The following ZNF385B variants were observed in gnomAD, a reference collection of about 807,000 sequenced individuals.
ZNF385B encodes zinc finger protein 533.
ZNF385B carries 23 observed loss-of-function variants against 39.2 expected under a neutral mutation model. The ratio of observed to expected loss-of-function variants is 0.59; its 90% CI spans 0.42 to 0.83. The LOEUF is 0.83. Ranked by LOEUF, ZNF385B falls within the 40% of genes least tolerant of loss-of-function variation. The pLI is 0.00. For synonymous variants in ZNF385B, 205 were observed against 222.6 expected (o/e 0.92, Z 0.70); for missense variants, 552 against 598.9 (o/e 0.92, Z 0.82).
chr2:179,767,908 A>G (rs1307359849), intron 3 of ZNF385B, among the ~76,000 whole-genome samples: 1 of 148,306 alleles, frequency 6.7e-6, no homozygotes, highest in Admixed American at 6.8e-5. Flanking sequence ...AACACTAAAT[A>G]TATATATAAT....
rs186836611 is a variant in ZNF385B at position 179,564,443 on chromosome 2, C to A, written c.299-19474G>T. On this transcript the variant is annotated intron_variant, in intron 3 of 9. Coordinates refer to ENST00000410066, the MANE Select transcript of ZNF385B (RefSeq NM_152520.6). ...CATCACCTTGAGTTAGTTAATACAG[C>A]CCGCCCTCTCTATAAGACCTTACCC... Among the ~76,000 whole-genome samples, 6 of 152,224 alleles carry A rather than the reference C, an allele frequency of 3.9e-5. No individual in the cohort carries two copies. The East Asian group carries it at 9.7e-4, about 25-fold the overall frequency.
intron 3 of ZNF385B, among the ~76,000 whole-genome samples, chr2:179,639,000 G>C (rs773359372): frequency 6.6e-6 from 1 of 151,932 alleles, no homozygotes; most frequent in Non-Finnish European, 1.5e-5. Context: ...AGCCTGATTG[G>C]TTGAGCTCAG....
At chr2:179,565,697 T>C (rs1409776950) in intron 3 of ZNF385B, among the ~76,000 whole-genome samples, 1 of 152,246 alleles carries the variant, frequency 6.6e-6, no homozygotes, top group Non-Finnish European at 1.5e-5. Flanking sequence ...CATGCTGTCA[T>C]GCCTCCCAGG....
chr2:179,449,676 C>A (rs1406551973), intron 6 of ZNF385B, among the ~76,000 whole-genome samples: 1 of 152,072 alleles, frequency 6.6e-6, no homozygotes, highest in Non-Finnish European at 1.5e-5. Context: ...GCCATACTGC[C>A]CAAGGTAATT....
intron 1 of ZNF385B, among the ~76,000 whole-genome samples, chr2:179,782,511 C>T (rs895000987): frequency 3.9e-5 from 6 of 152,006 alleles, no homozygotes; most frequent in African/African-American, 7.2e-5. Flanking sequence ...ACAAAATAAA[C>T]GGCATCCAAA....
intron 3 of ZNF385B, among the ~76,000 whole-genome samples, chr2:179,750,209 G>A (rs1255395113): frequency 3.3e-5 from 5 of 152,096 alleles, no homozygotes; most frequent in Non-Finnish European, 7.4e-5. Context: ...TTGTGCAGCA[G>A]GAGGTGGTTA....
intron 3 of ZNF385B, among the ~76,000 whole-genome samples, chr2:179,763,317 T>C (rs954557989): frequency 3.3e-5 from 5 of 152,230 alleles, no homozygotes; most frequent in Non-Finnish European, 7.3e-5. Flanking sequence ...ATTTGCTTAT[T>C]ATATTTTTAA....
At chr2:179,576,952 A>G (rs1257150330) in intron 3 of ZNF385B, among the ~76,000 whole-genome samples, 1 of 152,158 alleles carries the variant, frequency 6.6e-6, no homozygotes, top group East Asian at 1.9e-4. Context: ...TATGATAAAA[A>G]CCGGTCCTTT....
intron 3 of ZNF385B, among the ~76,000 whole-genome samples, chr2:179,582,325 G>A (rs1686620943): frequency 6.6e-6 from 1 of 152,126 alleles, no homozygotes; most frequent in South Asian, 2.1e-4. Context: ...AAAGTGTCTA[G>A]CAGTTGGTTA....
intron 1 of ZNF385B, among the ~76,000 whole-genome samples, chr2:179,819,280 T>C (rs6752731): frequency 0.44 from 67,515 of 151,852 alleles, 15,544 homozygotes; most frequent in Admixed American, 0.54. Flanking sequence ...CATTGAGATG[T>C]TGGTTTTCAA....
rs539960067 is a variant in ZNF385B, at chr2:179,775,211, C to T, written c.-154-4539G>A. Among the ~76,000 whole-genome samples the T allele has an allele frequency of 1.3e-3, 202 of 152,184 alleles. 1 individual carries two copies. Among genetic ancestry groups the T allele is most frequent in the Middle Eastern group, 3.4e-3 (1 of 294 alleles). On this transcript the variant is annotated intron_variant, in intron 1 of 9. Coordinates refer to ENST00000410066, the MANE Select transcript of ZNF385B (RefSeq NM_152520.6). ...TTTTGGTATATTTCATAATAGGATT[C>T]AGATATGGAAGGCTATATTTGATCC...
At chr2:179,462,473 C>T (rs139759710) in intron 6 of ZNF385B, among the ~76,000 whole-genome samples, 159 of 152,140 alleles carry the variant, frequency 1.0e-3, no homozygotes, top group African/African-American at 3.6e-3. Context: ...TTGCCTTGTT[C>T]GTCTCCTCCT....
intron 3 of ZNF385B, among the ~76,000 whole-genome samples, chr2:179,639,236 A>C (rs1692042915): frequency 7.0e-6 from 1 of 143,614 alleles, no homozygotes; most frequent in Non-Finnish European, 1.6e-5. Context: ...CAAAAAAAAA[A>C]AAAAAAAAAA....
intron 3 of ZNF385B, among the ~76,000 whole-genome samples, chr2:179,711,180 A>G (rs1317349692): frequency 1.3e-5 from 2 of 152,186 alleles, no homozygotes; most frequent in South Asian, 2.1e-4. Context: ...TGATATATCT[A>G]TCACTGATTT....
chr2:179,516,944 T>G (rs1184181559), intron 5 of ZNF385B, among the ~76,000 whole-genome samples: 1 of 151,900 alleles, frequency 6.6e-6, no homozygotes, highest in Admixed American at 6.6e-5. Flanking sequence ...AGTCAAGGCG[T>G]TTTTTGAATT....
intron 1 of ZNF385B, among the ~76,000 whole-genome samples, chr2:179,840,203 C>T (rs1349236622): frequency 2.0e-5 from 3 of 152,196 alleles, no homozygotes; most frequent in South Asian, 2.1e-4. Context: ...TGTGATCCCC[C>T]GGCACAGCCT....
At chr2:179,719,005 C>T (rs959956841) in intron 3 of ZNF385B, among the ~76,000 whole-genome samples, 4 of 151,530 alleles carry the variant, frequency 2.6e-5, no homozygotes, top group African/African-American at 9.7e-5. Flanking sequence ...TCTACCTGAT[C>T]TTCCTCAGAA....
chr2:179,677,056 A>G (rs914318274), intron 3 of ZNF385B, among the ~76,000 whole-genome samples: 3 of 152,208 alleles, frequency 2.0e-5, no homozygotes, highest in African/African-American at 4.8e-5. Context: ...GTTGCAAATC[A>G]AAGCAGTCAT....
At chr2:179,598,383 G>T (rs1448127569) in intron 3 of ZNF385B, among the ~76,000 whole-genome samples, 1 of 151,954 alleles carries the variant, frequency 6.6e-6, no homozygotes, top group Non-Finnish European at 1.5e-5. Context: ...TGTGATTAAG[G>T]TTAATTGTTG....
Sources: allele counts gnomAD v4.1 joint callset (sites outside exome capture counted in the v4.1 genomes callset), GRCh38; gene constraint gnomAD v4.1.1; transcripts MANE v1.5; gene names NCBI Gene and HGNC (gene_info 2026-07-23, HGNC 2026-07-21).